The following TMEM232 variants were observed in gnomAD, a reference collection of about 807,000 sequenced individuals.
TMEM232 encodes the protein transmembrane protein 232.
TMEM232 carries 80 observed loss-of-function variants against 78.8 expected under a neutral mutation model. The ratio of observed to expected loss-of-function variants is 1.01; its 90% CI spans 0.85 to 1.22. TMEM232 has a LOEUF of 1.22. TMEM232 is among the 50% of genes most tolerant of loss of function. TMEM232 has a pLI of 0.00. For synonymous variants in TMEM232, 297 were observed against 254.3 expected, an observed-to-expected ratio of 1.17 and a Z score of -1.60; for missense variants, 881 against 742.2, an observed-to-expected ratio of 1.19 and a Z score of -2.17.
chr5:110,440,329 G>A (rs114519792), intron 12 of TMEM232, among the ~76,000 whole-genome samples: 10 of 152,146 alleles, frequency 6.6e-5, no homozygotes, highest in African/African-American at 9.6e-5. Context: ...GAAATACTCC[G>A]TTCTCACCTC....
intron 12 of TMEM232, among the ~76,000 whole-genome samples, chr5:110,479,778 G>T (rs1329107954): frequency 6.6e-6 from 1 of 151,660 alleles, no homozygotes; most frequent in Non-Finnish European, 1.5e-5. Context: ...TGTCTGATGA[G>T]ACACTACTGA....
chr5:110,425,391 T>C (rs1757120849), intron 12 of TMEM232, among the ~76,000 whole-genome samples: 1 of 152,066 alleles, frequency 6.6e-6, no homozygotes, highest in Non-Finnish European at 1.5e-5. Flanking sequence ...TATTGTATTA[T>C]TAAAGTCATT....
rs527290588 is a variant in TMEM232, at chr5:110,424,946, A to T, written c.1704-30T>A. The stretch of plus-strand genomic sequence containing the variant: ...AAAAGAGCACAAGAACAAATCCAAC[A>T]TTAGGTATAGGTACTCCTATTCCCC... On this transcript the variant is annotated intron_variant, in intron 12 of 13. Coordinates refer to ENST00000455884, the MANE Select transcript of TMEM232 (RefSeq NM_001039763.4). 7.6e-5 allele frequency: 112 copies of T among 1,468,930 alleles called. 1 individual carries two copies. The South Asian group carries it at 1.4e-3, about 18-fold the overall frequency. 91.0% of individuals were successfully genotyped at this position (1,468,930 alleles called of 1,614,324 possible). A position where few individuals can be genotyped will look rare whatever the true frequency, so the allele number is the denominator to read the frequency against.
At chr5:110,695,981 C>A (rs1051158988) in intron 1 of TMEM232, among the ~76,000 whole-genome samples, 5 of 152,160 alleles carry the variant, frequency 3.3e-5, no homozygotes, top group African/African-American at 1.2e-4. Flanking sequence ...GATACCAAAG[C>A]CTAGCAGAGA....
chr5:110,720,819 G>A (rs983482406), intron 1 of TMEM232: 2 of 152,018 alleles, frequency 1.3e-5, no homozygotes, highest in Non-Finnish European at 1.5e-5. Context: ...ACCACTCCAC[G>A]TTAACACATG....
At chr5:110,554,960 T>A (rs1251116115) in intron 11 of TMEM232, among the ~76,000 whole-genome samples, 1 of 152,130 alleles carries the variant, frequency 6.6e-6, no homozygotes, top group Non-Finnish European at 1.5e-5. Context: ...GTTTTGTTGA[T>A]CATTTGTATG....
chr5:110,685,233 G>A (rs138730664), intron 1 of TMEM232, among the ~76,000 whole-genome samples: 3,670 of 152,052 alleles, frequency 0.024, 46 homozygotes, highest in African/African-American at 0.032. Flanking sequence ...CAGAGGAAAT[G>A]TTACATAAAC....
chr5:110,474,179 T>C (rs968224711), intron 12 of TMEM232, among the ~76,000 whole-genome samples: 4 of 151,924 alleles, frequency 2.6e-5, no homozygotes, highest in Non-Finnish European at 5.9e-5. Flanking sequence ...TTGAGATAAA[T>C]GATTTGCTAA....
rs139308831 is a variant in TMEM232, at chr5:110,431,001, T to C, written c.1704-6085A>G. Among the ~76,000 whole-genome samples the C allele has an allele frequency of 3.2e-3, 480 of 151,680 alleles. 3 individuals are homozygous for C. Among genetic ancestry groups the C allele is most frequent in the African/African-American group, 0.011 (464 of 41,406 alleles). ...ATTTTATGGATTGAAAAGTGAAAAA[T>C]CCCGGCAGAGAAATTTTGATCAGAA... On this transcript the variant is annotated intron_variant, in intron 12 of 13. Coordinates refer to ENST00000455884, the MANE Select transcript of TMEM232 (RefSeq NM_001039763.4).
chr5:110,598,371 G>A (rs1007400849), intron 10 of TMEM232, among the ~76,000 whole-genome samples: 4 of 152,166 alleles, frequency 2.6e-5, no homozygotes, highest in Non-Finnish European at 5.9e-5. Flanking sequence ...ACAGGTGCTG[G>A]AGAGGCTGTG....
At chr5:110,648,234 T>G (rs1580494894) in intron 2 of TMEM232, among the ~76,000 whole-genome samples, 1 of 152,084 alleles carries the variant, frequency 6.6e-6, no homozygotes, top group Admixed American at 6.6e-5. Flanking sequence ...GGTTAACACT[T>G]AAAAGAATGC....
At chr5:110,492,783 T>C (rs1287255405) in intron 12 of TMEM232, among the ~76,000 whole-genome samples, 2 of 152,012 alleles carry the variant, frequency 1.3e-5, no homozygotes, top group Non-Finnish European at 2.9e-5. Context: ...AGAAAATTGA[T>C]TATATATAAG....
chr5:110,533,785 C>T (rs1771908731), intron 11 of TMEM232, among the ~76,000 whole-genome samples: 1 of 152,156 alleles, frequency 6.6e-6, no homozygotes, highest in South Asian at 2.1e-4. Context: ...TCCTTCTTCC[C>T]TGTTCCTCAC....
intron 10 of TMEM232, among the ~76,000 whole-genome samples, chr5:110,599,901 G>A (rs375753172): frequency 1.2e-4 from 19 of 152,096 alleles, no homozygotes; most frequent in African/African-American, 3.6e-4. Flanking sequence ...TTCTAAAATC[G>A]ACCACATAAT....
intron 7 of TMEM232, among the ~76,000 whole-genome samples, chr5:110,622,297 C>A (rs1057399912): frequency 3.9e-5 from 6 of 152,154 alleles, no homozygotes; most frequent in African/African-American, 1.4e-4. Context: ...AATGTAAACT[C>A]TGTCTTTGCT....
intron 12 of TMEM232, among the ~76,000 whole-genome samples, chr5:110,480,913 T>C (rs1014130029): frequency 6.6e-6 from 1 of 152,108 alleles, no homozygotes; most frequent in African/African-American, 2.4e-5. Flanking sequence ...TGAATTCAAA[T>C]AACTGCTTCA....
chr5:110,436,615 T>C (rs1489841748), intron 12 of TMEM232, among the ~76,000 whole-genome samples: 2 of 152,054 alleles, frequency 1.3e-5, no homozygotes, highest in African/African-American at 2.4e-5. Flanking sequence ...CTTTAATCCA[T>C]TTTGATTTGA....
chr5:110,526,619 C>T (rs1450558470), intron 12 of TMEM232, among the ~76,000 whole-genome samples: 1 of 151,890 alleles, frequency 6.6e-6, no homozygotes, highest in Non-Finnish European at 1.5e-5. Flanking sequence ...TATAAACTTG[C>T]ACAACTCCTC....
At chr5:110,438,697 A>C (rs1758698691) in intron 12 of TMEM232, among the ~76,000 whole-genome samples, 1 of 152,104 alleles carries the variant, frequency 6.6e-6, no homozygotes, top group African/African-American at 2.4e-5. Context: ...CAAGGCTTTC[A>C]AAGTCCCTGA....
Sources: allele counts gnomAD v4.1 joint callset (sites outside exome capture counted in the v4.1 genomes callset), GRCh38; gene constraint gnomAD v4.1.1; transcripts MANE v1.5; gene names NCBI Gene and HGNC (gene_info 2026-07-23, HGNC 2026-07-21).